Variants in ADGB observed in about 807,000 individuals in gnomAD.
The protein encoded by ADGB is androglobin.
Under a neutral mutation model 210.5 loss-of-function variants are expected in ADGB, and 172 were observed. The observed-to-expected ratio is 0.82, with a 90% CI of 0.72 to 0.93. The LOEUF is 0.93. ADGB is among the 40% of genes least tolerant of loss of function. The pLI, the probability that ADGB is intolerant of heterozygous loss-of-function variation, is 0.00. For missense variants in ADGB, 2,025 were observed against 1,964.8 expected (o/e 1.03, Z -0.58); for synonymous variants, 658 against 662.7 (o/e 0.99, Z 0.11).
At chr6:146,758,561 AAGAAAGATAC>A (rs1777442474) in intron 27 of ADGB, among the ~76,000 whole-genome samples, 1 of 152,064 alleles carries the variant, frequency 6.6e-6, no homozygotes, top group African/African-American at 2.4e-5. Flanking sequence ...ACTTCTGGCC[AAGAAAGATAC>A]AGAAAAATTG....
rs181509122 is a variant in ADGB at position 146,713,161 on chromosome 6, T to C, written c.1708-2221T>C. Among the ~76,000 whole-genome samples, 512 of 152,342 alleles carry C rather than the reference T, an allele frequency of 3.4e-3. 6 individuals are homozygous for C. Among genetic ancestry groups the C allele is most frequent in the African/African-American group, 0.012 (490 of 41,588 alleles). ...CACATTCTGTTTATCCAATCATTTG[T>C]CAATAGATATTGGGTTGCATCAACC... On this transcript the variant is annotated intron_variant, in intron 13 of 35. Coordinates refer to ENST00000397944, the MANE Select transcript of ADGB (RefSeq NM_024694.4).
intron 33 of ADGB, among the ~76,000 whole-genome samples, chr6:146,800,642 AGCT>A (rs1202159918): frequency 6.6e-6 from 1 of 152,220 alleles, no homozygotes; most frequent in African/African-American, 2.4e-5. Flanking sequence ...TGGATTAAAA[AGCT>A]GCTGCTAATT....
rs568474034 is a variant in ADGB at position 146,654,173 on chromosome 6, A to C, written c.369A>C (p.Leu123Phe). The C allele has an allele frequency of 6.5e-7, 1 of 1,544,592 alleles. No homozygotes were observed. Among genetic ancestry groups the C allele is most frequent in the East Asian group, 2.5e-5 (1 of 40,738 alleles). ...TGAAAAATGAAATCACGTTTGACTT[A>C]TTTTCAGCAAATGAACATTTACTCT... The part of the protein sequence containing the change: ...VVVKNEITFD[L>F]FSANEHLLCS... Residue 123 changes from leucine (L) to phenylalanine (F), a missense_variant, in exon 4 of 36, where the codon TTA becomes TTC. By Grantham distance (22) the Leu-to-Phe change is conservative. Transcript: ENST00000397944.
chr6:146,698,646 A>T (rs919051719), intron 12 of ADGB, among the ~76,000 whole-genome samples: 3 of 152,194 alleles, frequency 2.0e-5, no homozygotes, highest in African/African-American at 7.2e-5. Flanking sequence ...CATGCGGGAC[A>T]GCTTTATAAC....
intron 35 of ADGB, among the ~76,000 whole-genome samples, chr6:146,808,302 A>G (rs1043133532): frequency 6.6e-6 from 1 of 152,108 alleles, no homozygotes; most frequent in Non-Finnish European, 1.5e-5. Flanking sequence ...TTTGGGCCAA[A>G]TTATGCCATT....
At chr6:146,800,162 G>T (rs1411311096) in intron 33 of ADGB, among the ~76,000 whole-genome samples, 1 of 151,904 alleles carries the variant, frequency 6.6e-6, no homozygotes, top group Non-Finnish European at 1.5e-5. Context: ...GAACCAAGCA[G>T]GGAGATTTTT....
At chr6:146,782,234 T>C in intron 30 of ADGB, 42 bp downstream of exon 30, 1 of 1,446,816 alleles carries the variant, frequency 6.9e-7, no homozygotes, top group Non-Finnish European at 9.1e-7. Flanking sequence ...TTAATGATTT[T>C]AGGTTCAGTG....
intron 35 of ADGB, among the ~76,000 whole-genome samples, chr6:146,814,825 C>G (rs1778358892): frequency 6.6e-6 from 1 of 152,076 alleles, no homozygotes; most frequent in Non-Finnish European, 1.5e-5. Context: ...TTTTATTTTG[C>G]CATACTGTGT....
intron 1 of ADGB, among the ~76,000 whole-genome samples, chr6:146,605,456 T>C (rs1405815526): frequency 1.3e-5 from 2 of 152,172 alleles, no homozygotes; most frequent in Non-Finnish European, 2.9e-5. Flanking sequence ...GTAAATAAGA[T>C]TCAGTGACAG....
At chr6:146,657,770 C>A (rs1775805615) in intron 5 of ADGB, among the ~76,000 whole-genome samples, 1 of 152,218 alleles carries the variant, frequency 6.6e-6, no homozygotes, top group African/African-American at 2.4e-5. Flanking sequence ...CCCATCAGTT[C>A]TTGGTCCTGA....
rs148660374 is a variant in ADGB, at chr6:146,679,458, G to A, written c.1216+3017G>A. ...TCTTGAAGAGGAACACAGTAACTGCGATATAAACTCCACTCATAAAACAAA... is the reference window on the plus strand; with the variant it reads ...TCTTGAAGAGGAACACAGTAACTGCAATATAAACTCCACTCATAAAACAAA... On this transcript the variant is annotated intron_variant, in intron 9 of 35. Transcript: ENST00000397944. Among the ~76,000 whole-genome samples the A allele has an allele frequency of 9.9e-5, 15 of 152,232 alleles. No individual in the cohort carries two copies. In the East Asian group the frequency reaches 2.1e-3, roughly 22 times the overall value.
At chr6:146,759,987 C>T (rs1777462064) in intron 27 of ADGB, among the ~76,000 whole-genome samples, 1 of 151,672 alleles carries the variant, frequency 6.6e-6, no homozygotes, top group African/African-American at 2.4e-5. Context: ...TTTGTAGAGT[C>T]TCATACATTA....
At chr6:146,644,916 T>C in intron 3 of ADGB, 51 bp downstream of exon 3, 1 of 1,134,434 alleles carries the variant, frequency 8.8e-7, no homozygotes, top group Non-Finnish European at 1.2e-6. Context: ...GGATGTATTA[T>C]CCTACTGATA....
At chr6:146,814,573 G>A (rs1583653408) in intron 35 of ADGB, among the ~76,000 whole-genome samples, 1 of 152,186 alleles carries the variant, frequency 6.6e-6, no homozygotes, top group African/African-American at 2.4e-5. Context: ...TGAAAGTCAA[G>A]CTGACAAGAG....
intron 2 of ADGB, among the ~76,000 whole-genome samples, chr6:146,636,783 A>T (rs1467948975): frequency 6.6e-6 from 1 of 151,984 alleles, no homozygotes; most frequent in Non-Finnish European, 1.5e-5. Flanking sequence ...ATCTGCATGA[A>T]ATGGTTGCAT....
Position 146,733,969 on chromosome 6 carries a change from T to C in ADGB, c.2733T>C (p.Ile911=). The C allele has an allele frequency of 6.4e-7, 1 of 1,551,626 alleles. No homozygotes were observed. Among genetic ancestry groups the C allele is most frequent in the Non-Finnish European group, 8.7e-7 (1 of 1,146,952 alleles). ...CTGCTGAGGAAGTAGCAGCAGCAAT[T>C]AAAATTCAAGCCATGTGGAGAGGAA... ...EYSAEEVAAA[I]KIQAMWRGTY... is the part of the protein sequence containing the mutation. The change falls in exon 22 of 36, where the codon ATT becomes ATC. Residue 911 remains isoleucine, a synonymous_variant. Transcript: ENST00000397944.
intron 1 of ADGB, among the ~76,000 whole-genome samples, chr6:146,608,931 T>G (rs556583686): frequency 6.6e-6 from 1 of 152,320 alleles, no homozygotes; most frequent in African/African-American, 2.4e-5. Context: ...TTTTTAAATT[T>G]TCTGCTTTGA....
intron 10 of ADGB, 119 bp from the exon 11 acceptor site, chr6:146,690,997 T>G: frequency 1.6e-6 from 1 of 640,664 alleles, no homozygotes; most frequent in Non-Finnish European, 2.4e-6. Flanking sequence ...GTAGAGATAT[T>G]GGGTGATTTT....
chr6:146,700,092 T>C (rs78887538), intron 12 of ADGB, among the ~76,000 whole-genome samples: 2 of 152,336 alleles, frequency 1.3e-5, no homozygotes, highest in African/African-American at 4.8e-5. Flanking sequence ...GTGATAGACA[T>C]GCCCCTTGTC....
Sources: allele counts gnomAD v4.1 joint callset (sites outside exome capture counted in the v4.1 genomes callset), GRCh38; gene constraint gnomAD v4.1.1; transcripts MANE v1.5; gene names NCBI Gene and HGNC (gene_info 2026-07-23, HGNC 2026-07-21).